Variants in SYNE2 observed in about 807,000 individuals in gnomAD.
The protein encoded by SYNE2 is spectrin repeat containing nuclear envelope protein 2, also known as nesprin-2.
SYNE2 carries 431 observed loss-of-function variants against 856.3 expected under a neutral mutation model. The ratio of observed to expected loss-of-function variants is 0.50; its 90% CI spans 0.47 to 0.55. SYNE2 has a LOEUF of 0.55. Ranked by LOEUF, SYNE2 falls within the 20% of genes least tolerant of loss-of-function variation. The probability of loss-of-function intolerance (pLI) is 0.00; values close to 1 mark genes in which losing one functional copy is unlikely to be tolerated. For synonymous variants in SYNE2, 2,923 were observed against 2,872.3 expected (o/e 1.02, Z -0.56); for missense variants, 8,129 against 8,023.2 (o/e 1.01, Z -0.50).
intron 89 of SYNE2, among the ~76,000 whole-genome samples, chr14:64,165,038 C>T (rs1275554107): frequency 3.3e-5 from 5 of 151,922 alleles, no homozygotes; most frequent in Admixed American, 3.3e-4. Context: ...CAGGCTCACA[C>T]CACTATGCCC....
In SYNE2 at chr14:64,052,619, T is replaced by C. The variant is rs755496939; in HGVS notation, c.8706T>C (p.Tyr2902=). ...ATCTTCAGGAGCTAACAAACATCTATGAGGAGCTGAATGTGTTTGAAAGAT... is the reference window on the plus strand; with the variant it reads ...ATCTTCAGGAGCTAACAAACATCTACGAGGAGCTGAATGTGTTTGAAAGAT... ...STHLQELTNI[Y]EELNVFERLF... Residue 2902 remains tyrosine (Y), a synonymous_variant, in exon 48 of 116, where the codon TAT becomes TAC. Transcript: ENST00000555002. 1 of 1,614,052 alleles carries C rather than the reference T, an allele frequency of 6.2e-7. No homozygotes were observed.
chr14:64,097,778 GA>G (rs1567286988), intron 61 of SYNE2, among the ~76,000 whole-genome samples, 170 bp from the exon 62 acceptor site: 2 of 152,218 alleles, frequency 1.3e-5, no homozygotes, highest in African/African-American at 4.8e-5. Flanking sequence ...AGGACCTTTG[GA>G]ATTGTATCCA....
intron 1 of SYNE2, among the ~76,000 whole-genome samples, chr14:63,846,101 G>T (rs187239327): frequency 4.5e-4 from 67 of 148,660 alleles, no homozygotes; most frequent in African/African-American, 1.5e-3. Context: ...CCAGGCTGGA[G>T]TGCAGTGGTG....
At chr14:64,190,834 T>C (rs1242890694) in intron 99 of SYNE2, 2 of 687,356 alleles carry the variant, frequency 2.9e-6, no homozygotes, top group South Asian at 1.5e-5. Flanking sequence ...TTATCAGAAA[T>C]AGCGCTGATA....
chr14:64,217,570 A>T (rs1886174518), intron 108 of SYNE2, among the ~76,000 whole-genome samples: 2 of 152,202 alleles, frequency 1.3e-5, no homozygotes, highest in African/African-American at 4.8e-5. Context: ...TTTTAAAAAG[A>T]ATAATAAGAC....
At chr14:64,130,411 G>A (rs954195057) in intron 76 of SYNE2, among the ~76,000 whole-genome samples, 163 bp downstream of exon 76, 1 of 152,098 alleles carries the variant, frequency 6.6e-6, no homozygotes, top group Non-Finnish European at 1.5e-5. Flanking sequence ...CAGGAACCCT[G>A]GTACATGCTA....
At chr14:64,119,390 A>G (rs971982752) in intron 66 of SYNE2, 37 bp from the exon 67 acceptor site, 2 of 1,612,620 alleles carry the variant, frequency 1.2e-6, no homozygotes, top group Non-Finnish European at 1.7e-6. Flanking sequence ...TTCTTCAAGA[A>G]CAACATTATG....
At chr14:64,077,088 C>T (rs777969545) in intron 54 of SYNE2, among the ~76,000 whole-genome samples, 4 of 152,016 alleles carry the variant, frequency 2.6e-5, no homozygotes, top group South Asian at 4.2e-4. Context: ...CAAAATCAGT[C>T]GTTCAAATTC....
intron 1 of SYNE2, among the ~76,000 whole-genome samples, chr14:63,779,167 A>C (rs1887217533): frequency 6.9e-6 from 1 of 143,932 alleles, no homozygotes; most frequent in South Asian, 2.1e-4. Context: ...TAAAAATACA[A>C]AAAAAAAAAT....
chr14:63,842,835 T>C (rs891206886), intron 1 of SYNE2, among the ~76,000 whole-genome samples: 1 of 152,144 alleles, frequency 6.6e-6, no homozygotes, highest in Non-Finnish European at 1.5e-5. Context: ...AGGATCCTTT[T>C]TGTTTGTTCA....
intron 60 of SYNE2, among the ~76,000 whole-genome samples, chr14:64,091,686 A>G (rs953312549): frequency 2.0e-5 from 3 of 151,746 alleles, no homozygotes; most frequent in African/African-American, 7.3e-5. Context: ...TTAAATCACT[A>G]CTCTCCATCA....
chr14:64,027,784 A>G lies in SYNE2; in HGVS notation c.6705A>G (p.Gln2235=), dbSNP rs2096992448. The G allele has an allele frequency of 6.2e-7, 1 of 1,613,996 alleles. No individual in the cohort carries two copies. The highest frequency in any genetic ancestry group is 1.1e-5 in the South Asian group (1 of 91,074). ...EIKHLHESLL[Q]QLQDSVQNLD... is the part of the protein sequence containing the mutation. ...AGCATCTACACGAAAGTCTTCTTCA[A>G]CAACTGCAGGTGAGGTGGTCAAAAT... The change falls in exon 43 of 116, where the codon CAA becomes CAG. Residue 2235 remains glutamine (Q), a synonymous_variant. Transcript: ENST00000555002.
chr14:63,940,498 T>C lies in SYNE2; in HGVS notation c.80-116T>C, dbSNP rs887774118. 5.4e-6 allele frequency: 5 copies of C among 928,056 alleles called. No individual in the cohort carries two copies. The African/African-American group carries it at 6.6e-5, about 12-fold the overall frequency. 57.5% of individuals were successfully genotyped at this position (928,056 alleles called of 1,614,324 possible). A position where few individuals can be genotyped will look rare whatever the true frequency, so the allele number is the denominator to read the frequency against. ...CAGTTTAGACTAAATCCTGGAAAGT[T>C]TGTAAGCTTGTGAAACAGGCACACA... On this transcript the variant is annotated intron_variant, in intron 2 of 115. Transcript: ENST00000555002.
At chr14:64,078,801 G>A (rs2097492837) in intron 55 of SYNE2, among the ~76,000 whole-genome samples, 195 bp downstream of exon 55, 1 of 152,196 alleles carries the variant, frequency 6.6e-6, no homozygotes, top group Admixed American at 6.5e-5. Flanking sequence ...GCCAGGTGCG[G>A]TGACCCACGC....
intron 60 of SYNE2, among the ~76,000 whole-genome samples, chr14:64,092,666 G>A (rs2097634830): frequency 6.6e-6 from 1 of 152,162 alleles, no homozygotes; most frequent in African/African-American, 2.4e-5. Context: ...TTTTTCTTTT[G>A]AAGTCTGTTT....
rs141688169 is a variant in SYNE2 at position 64,011,417 on chromosome 14, A to G, written c.4728+1301A>G. 2.3e-4 allele frequency among the ~76,000 whole-genome samples: 35 copies of G among 152,276 alleles called. No homozygotes were observed. The East Asian group carries it at 6.6e-3, about 29-fold the overall frequency. ...TCCTGTCCTCTTTCAGTAGATTTAAAGAGCTCTGGTTTCCTAGGTTCTTAG... is the reference window on the plus strand; with the variant it reads ...TCCTGTCCTCTTTCAGTAGATTTAAGGAGCTCTGGTTTCCTAGGTTCTTAG... On this transcript the variant is annotated intron_variant, in intron 32 of 115. Transcript: ENST00000555002.
At chr14:64,162,555 T>C (rs1434396829) in intron 88 of SYNE2, 3 of 463,814 alleles carry the variant, frequency 6.5e-6, no homozygotes, top group Non-Finnish European at 1.2e-5. Context: ...AAAAGCTTCA[T>C]ATGAAATCTG....
rs907402297 is a variant in SYNE2, at chr14:64,063,037, C to T, written c.10212+142C>T. 12 of 1,018,598 alleles carry T rather than the reference C, an allele frequency of 1.2e-5. No homozygotes were observed. In the African/African-American group the frequency reaches 1.3e-4, roughly 11 times the overall value. 63.1% of individuals were successfully genotyped at this position (1,018,598 alleles called of 1,614,324 possible). ...AAATATCCATGAATATTCCTCAAAT[C>T]GAAAGCCAGAGAGTAATGTTTTATA... On this transcript the variant is annotated intron_variant, in intron 50 of 115. Coordinates refer to ENST00000555002, the MANE Select transcript of SYNE2 (RefSeq NM_182914.3).
At chr14:63,992,429 C>T (rs558166291) in intron 21 of SYNE2, among the ~76,000 whole-genome samples, 1 of 152,186 alleles carries the variant, frequency 6.6e-6, no homozygotes, top group East Asian at 1.9e-4. Flanking sequence ...GCAAACACCA[C>T]TACGCCCAGC....
Sources: gnomAD v4.1 joint callset for allele counts (sites outside exome capture counted in the v4.1 genomes callset) on GRCh38, gnomAD v4.1.1 for gene constraint, MANE v1.5 for transcripts, NCBI Gene and HGNC (gene_info 2026-07-23, HGNC 2026-07-21) for gene names.